The following RFLNA variants were observed in gnomAD, a reference collection of about 807,000 sequenced individuals.
RFLNA encodes the protein refilin-A.
Under a neutral mutation model 7.8 loss-of-function variants are expected in RFLNA, and 5 were observed. That is an observed-to-expected ratio of 0.64 (90% CI 0.34 to 1.35). The LOEUF is 1.35. RFLNA is among the 40% of genes most tolerant of loss of function. The pLI, the probability that RFLNA is intolerant of heterozygous loss-of-function variation, is 0.04. For synonymous variants in RFLNA, 141 were observed against 131.3 expected (o/e 1.07, Z -0.50); for missense variants, 278 against 305.5 (o/e 0.91, Z 0.67).
At chr12:124,292,993 A>T (rs1336951609), upstream of RFLNA, among the ~76,000 whole-genome samples, 4 of 152,166 alleles carry the variant, frequency 2.6e-5, no homozygotes, top group Non-Finnish European at 5.9e-5. Flanking sequence ...GCATGACCTC[A>T]GCTCACTGCA....
chr12:124,309,854 A>G (rs1045098051), intron 1 of RFLNA, among the ~76,000 whole-genome samples: 3 of 152,208 alleles, frequency 2.0e-5, no homozygotes, highest in African/African-American at 7.2e-5. Flanking sequence ...CACCTCAAGG[A>G]GAACATCTAG....
chr12:124,310,505 T>G (rs1230922757), intron 1 of RFLNA, among the ~76,000 whole-genome samples: 1 of 1,208 alleles, frequency 8.3e-4, no homozygotes, highest in African/African-American at 1.7e-3. Flanking sequence ...GAGGGGGAGG[T>G]GGACTGCAGG....
At chr12:124,310,491 TGGGGAG>T (rs2034223167) in intron 1 of RFLNA, among the ~76,000 whole-genome samples, 3 of 97,348 alleles carry the variant, frequency 3.1e-5, no homozygotes, top group Non-Finnish European at 6.1e-5. Context: ...GGCTGAGCTG[TGGGGAG>T]GGGGAGGTGG....
chr12:124,298,892 A>G lies in RFLNA; in HGVS notation c.207+3256A>G, dbSNP rs146663543. Among the ~76,000 whole-genome samples the G allele has an allele frequency of 6.6e-5, 10 of 152,364 alleles. No individual in the cohort carries two copies. In the East Asian group the frequency reaches 1.9e-3, roughly 29 times the overall value. ...GTCCTGAGGCACAAGCAAGCTAGGC[A>G]TGGCCTGTTCGGGTGATGGGTGCAC... On this transcript the variant is annotated intron_variant, in intron 1 of 2. Transcript: ENST00000546355.
chr12:124,290,465 TTA>T (rs200489095), upstream of RFLNA, among the ~76,000 whole-genome samples: 1,038 of 152,156 alleles, frequency 6.8e-3, 8 homozygotes, highest in African/African-American at 0.024. This position sits in a 1 kb window ranked among gnomAD's most constrained non-coding sequence, Gnocchi z 4.0. Context: ...TGTATTTGTG[TTA>T]TGTGTGTGCT....
At chr12:124,309,158 G>A (rs1202201736) in intron 1 of RFLNA, among the ~76,000 whole-genome samples, 1 of 151,812 alleles carries the variant, frequency 6.6e-6, no homozygotes, top group Non-Finnish European at 1.5e-5. Context: ...GGCCCAGTGG[G>A]GGCACTCCAG....
chr12:124,299,415 T>C (rs201514620), intron 1 of RFLNA, among the ~76,000 whole-genome samples: 20,268 of 152,216 alleles, frequency 0.13, 1,666 homozygotes, highest in East Asian at 0.3. Context: ...CATGAGTCAA[T>C]TCTTTAGTGG....
Position 124,295,496 on chromosome 12 carries a change from C to A in RFLNA, c.67C>A (p.Leu23Met). 1.6e-6 allele frequency: 2 copies of A among 1,277,904 alleles called. No homozygotes were observed. The highest frequency in any genetic ancestry group is 2.0e-6 in the Non-Finnish European group (2 of 1,014,914). The allele number at this position is 1,277,904 out of a possible 1,614,324, so 79.2% of individuals were successfully genotyped here. A position where few individuals can be genotyped will look rare whatever the true frequency, so the allele number is the denominator to read the frequency against. ...GAAGGAGCAGGGCCGGGAGGGCTTG[C>A]TGGACAGCCCCGACTCCGGGCTGCC... ...SLKEQGREGLLDSPDSGLPPS... is the reference protein window; with the variant it reads ...SLKEQGREGLMDSPDSGLPPS... Residue 23 changes from leucine to methionine, a missense_variant, in exon 1 of 3, where the codon CTG becomes ATG. Coordinates refer to ENST00000546355, the MANE Select transcript of RFLNA (RefSeq NM_001365156.1).
rs556835242 is a variant in RFLNA, at chr12:124,298,346, C to T, written c.207+2710C>T. Among the ~76,000 whole-genome samples, 5 of 152,232 alleles carry T rather than the reference C, an allele frequency of 3.3e-5. No individual in the cohort carries two copies. In the East Asian group the frequency reaches 7.7e-4, roughly 24 times the overall value. ...GGACTTGCCTCCTGGACGCCCCCCACCCACTAAGGCAGGGTATCTGGGAAG... is the reference window on the plus strand; with the variant it reads ...GGACTTGCCTCCTGGACGCCCCCCATCCACTAAGGCAGGGTATCTGGGAAG... On this transcript the variant is annotated intron_variant, in intron 1 of 2. Coordinates refer to ENST00000546355, the MANE Select transcript of RFLNA (RefSeq NM_001365156.1).
At chr12:124,303,128 G>T (rs934686366) in intron 1 of RFLNA, among the ~76,000 whole-genome samples, 2 of 152,200 alleles carry the variant, frequency 1.3e-5, no homozygotes, top group Admixed American at 1.3e-4. Context: ...GTGCCTCCCT[G>T]TGAGTCCCTG....
chr12:124,306,970 C>T lies in RFLNA; in HGVS notation c.208-4848C>T, dbSNP rs558239398. Among the ~76,000 whole-genome samples, 33 of 152,256 alleles carry T rather than the reference C, an allele frequency of 2.2e-4. No individual in the cohort carries two copies. Among genetic ancestry groups the T allele is most frequent in the Admixed American group, 1.9e-3 (29 of 15,302 alleles). On this transcript the variant is annotated intron_variant, in intron 1 of 2. Coordinates refer to ENST00000546355, the MANE Select transcript of RFLNA (RefSeq NM_001365156.1). This position sits in a 1 kb window ranked among gnomAD's most constrained non-coding sequence, Gnocchi z 5.2. The stretch of plus-strand genomic sequence containing the variant: ...GGCTTGGCCCTCTGCGGCCCAGGCA[C>T]GAGCACCAGTCTGGAGGAATAGGGT...
chr12:124,311,991 C>A, intron 2 of RFLNA, 64 bp downstream of exon 2: 1 of 1,442,290 alleles, frequency 6.9e-7, no homozygotes, highest in Non-Finnish European at 9.2e-7. Context: ...GGTCCTGACT[C>A]TCTTGTGGGA....
At chr12:124,313,171 G>A (rs1326643729) in intron 2 of RFLNA, among the ~76,000 whole-genome samples, 3 of 152,160 alleles carry the variant, frequency 2.0e-5, no homozygotes, top group African/African-American at 4.8e-5. Context: ...TGGATGCCTT[G>A]ACCCTCGGGA....
In RFLNA at chr12:124,314,888, G is replaced by A. The variant is rs2135697749; in HGVS notation, c.*363G>A. On this transcript the variant is annotated 3_prime_UTR_variant, in exon 3 of 3. Coordinates refer to ENST00000546355, the MANE Select transcript of RFLNA (RefSeq NM_001365156.1). ...CAGCCCCGAGCAGTGTGAGGACAGA[G>A]GCATCCCAGCCTCAGCCGGTGGGGA... is the stretch of plus-strand genomic sequence containing the variant. The A allele has an allele frequency of 2.4e-6, 1 of 408,322 alleles. No homozygotes were observed. Among genetic ancestry groups the A allele is most frequent in the Non-Finnish European group, 4.8e-6 (1 of 208,740 alleles). The allele number at this position is 408,322 out of a possible 1,614,324, so 25.3% of individuals were successfully genotyped here. A position where few individuals can be genotyped will look rare whatever the true frequency, so the allele number is the denominator to read the frequency against.
chr12:124,313,783 CA>C (rs1186288606), intron 2 of RFLNA, among the ~76,000 whole-genome samples: 1 of 152,188 alleles, frequency 6.6e-6, no homozygotes, highest in Non-Finnish European at 1.5e-5. Context: ...CTTTAGCCCC[CA>C]GATACTTCAG....
intron 1 of RFLNA, 159 bp from the exon 2 acceptor site, chr12:124,311,659 T>C: frequency 1.6e-6 from 1 of 613,774 alleles, no homozygotes; most frequent in Non-Finnish European, 2.6e-6. Flanking sequence ...GTGGGCTTCC[T>C]GATGGGCCCC....
intron 2 of RFLNA, among the ~76,000 whole-genome samples, chr12:124,313,983 C>T (rs1206844337): frequency 3.3e-5 from 5 of 152,184 alleles, no homozygotes; most frequent in South Asian, 4.1e-4. Context: ...TCCTTCATTG[C>T]GTTTAGCTGT....
chr12:124,305,284 C>T (rs1364093131), intron 1 of RFLNA, among the ~76,000 whole-genome samples: 2 of 152,194 alleles, frequency 1.3e-5, no homozygotes, highest in African/African-American at 4.8e-5. Flanking sequence ...CTGGGTTGGG[C>T]GCTGTTCCAT....
chr12:124,295,585 G>T lies in RFLNA; in HGVS notation c.156G>T (p.Ala52=), dbSNP rs2033893558. The T allele has an allele frequency of 1.6e-6, 2 of 1,231,382 alleles. No homozygotes were observed. The highest frequency in any genetic ancestry group is 2.0e-6 in the Non-Finnish European group (2 of 985,812). 76.3% of individuals were successfully genotyped at this position (1,231,382 alleles called of 1,614,324 possible). A position where few individuals can be genotyped will look rare whatever the true frequency, so the allele number is the denominator to read the frequency against. ...CGCCCGGCATCCTCGACGCGCGCGC[G>T]GGGGGCGCCGGCGCCTCCTCGGAGC... is the stretch of plus-strand genomic sequence containing the variant. ...SLAPGILDAR[A]GGAGASSEPP... The change falls in exon 1 of 3, where the codon GCG becomes GCT. Residue 52 remains alanine, a synonymous_variant. Coordinates refer to ENST00000546355, the MANE Select transcript of RFLNA (RefSeq NM_001365156.1).
Sources: gnomAD v4.1 joint callset for allele counts (sites outside exome capture counted in the v4.1 genomes callset) on GRCh38, gnomAD v4.1.1 for gene constraint, Gnocchi (gnomAD v3.1) non-coding constraint, MANE v1.5 for transcripts, NCBI Gene and HGNC (gene_info 2026-07-23, HGNC 2026-07-21) for gene names.